The following CNTNAP5 variants were observed in gnomAD, a reference collection of about 807,000 sequenced individuals.
CNTNAP5 encodes contactin associated protein family member 5, also known as contactin-associated protein-like 5.
In CNTNAP5, 72 loss-of-function variants were observed where a neutral mutation model predicts 150.2. The observed-to-expected ratio is 0.48, with a 90% CI of 0.40 to 0.58. The LOEUF (loss-of-function observed/expected upper bound fraction) is 0.58. Among genes scored for constraint, CNTNAP5 ranks in the 20% least tolerant of loss-of-function variants. The pLI, the probability that CNTNAP5 is intolerant of heterozygous loss-of-function variation, is 0.00. For missense variants in CNTNAP5, 1,636 were observed against 1,626.2 expected (o/e 1.01, Z -0.10); for synonymous variants, 672 against 619.8 (o/e 1.08, Z -1.25).
Position 124,902,872 on chromosome 2 carries a change from T to C in CNTNAP5, c.3437-10T>C, listed in dbSNP as rs755027680. ...AAGTAAAGGACTTCTGATTATCTTTTACATTGCAGAGAATCTTGGTTTGGA... is the reference window on the plus strand; with the variant it reads ...AAGTAAAGGACTTCTGATTATCTTTCACATTGCAGAGAATCTTGGTTTGGA... On this transcript the variant is annotated splice_polypyrimidine_tract_variant and intron_variant, in intron 21 of 23. Transcript: ENST00000682447. 1.3e-6 allele frequency: 2 copies of C among 1,592,674 alleles called. No individual in the cohort carries two copies. The highest frequency in any genetic ancestry group is 3.4e-5 in the Admixed American group (2 of 58,304).
At chr2:124,349,050 T>C (rs1351074303) in intron 3 of CNTNAP5, among the ~76,000 whole-genome samples, 1 of 152,204 alleles carries the variant, frequency 6.6e-6, no homozygotes, top group Non-Finnish European at 1.5e-5. Flanking sequence ...CTAGTAGAGA[T>C]TGTGTAGAAG....
Position 124,763,654 on chromosome 2 carries a change from T to G in CNTNAP5, c.2235-18T>G. On this transcript the variant is annotated intron_variant, in intron 14 of 23. Transcript: ENST00000682447. ...TCCACATTTTGTCCTCTTTTTTTCT[T>G]AAATTTATGTTTTGCAGGACAAATG... 6.2e-7 allele frequency: 1 copy of G among 1,606,046 alleles called. No homozygotes were observed. Among genetic ancestry groups the G allele is most frequent in the Non-Finnish European group, 8.5e-7 (1 of 1,175,938 alleles).
At chr2:124,180,908 C>A (rs904600751) in intron 1 of CNTNAP5, among the ~76,000 whole-genome samples, 1 of 151,954 alleles carries the variant, frequency 6.6e-6, no homozygotes, top group Non-Finnish European at 1.5e-5. Flanking sequence ...CCTCTCCCTA[C>A]AGATGTATCA....
At chr2:124,906,382 C>T (rs185633683) in intron 22 of CNTNAP5, among the ~76,000 whole-genome samples, 25 of 152,108 alleles carry the variant, frequency 1.6e-4, no homozygotes, top group Admixed American at 1.6e-3. Flanking sequence ...TGATAAAGCT[C>T]CCATTTTACT....
At chr2:124,713,241 TTCTC>T (rs573009293) in intron 13 of CNTNAP5, among the ~76,000 whole-genome samples, 17,603 of 55,630 alleles carry the variant, frequency 0.32, 4,040 homozygotes, top group Non-Finnish European at 0.35. Context: ...CTTTCTTTCT[TTCTC>T]TTTCTTTCTT....
intron 3 of CNTNAP5, among the ~76,000 whole-genome samples, chr2:124,336,296 T>C (rs1475766341): frequency 6.6e-6 from 1 of 151,802 alleles, no homozygotes; most frequent in Admixed American, 6.6e-5. Flanking sequence ...AAGTGGCCAG[T>C]CTGAAAAGAC....
rs1228137646 is a variant in CNTNAP5, at chr2:124,562,074, C to T, written c.1650-1143C>T. Among the ~76,000 whole-genome samples, 6 of 152,096 alleles carry T rather than the reference C, an allele frequency of 3.9e-5. No homozygotes were observed. The East Asian group carries it at 1.2e-3, about 29-fold the overall frequency. On this transcript the variant is annotated intron_variant, in intron 10 of 23. Coordinates refer to ENST00000682447, the MANE Select transcript of CNTNAP5 (RefSeq NM_001367498.1). ...CTTAATGGTGGCAGTATAAGAGGTG[C>T]AAAGAATAACCCAAAGGCACCATGT...
Position 124,724,279 on chromosome 2 carries a change from G to T in CNTNAP5, c.2078-22950G>T, listed in dbSNP as rs183937264. 1.7e-3 allele frequency among the ~76,000 whole-genome samples: 264 copies of T among 152,098 alleles called. 1 individual carries two copies. Among genetic ancestry groups the T allele is most frequent in the Middle Eastern group, 0.014 (4 of 292 alleles). On this transcript the variant is annotated intron_variant, in intron 13 of 23. Transcript: ENST00000682447. ...TTTTGTTGTTTTGTTTAACCATGTG[G>T]TTGATTATAAAGAATACTGCAAAGG...
chr2:124,764,648 C>T (rs551825685), intron 16 of CNTNAP5, among the ~76,000 whole-genome samples: 2 of 152,282 alleles, frequency 1.3e-5, no homozygotes, highest in East Asian at 3.9e-4. Context: ...ATCTAATAAA[C>T]TTGATGCCAG....
At chr2:124,461,584 G>A (rs1693254952) in intron 6 of CNTNAP5, among the ~76,000 whole-genome samples, 2 of 151,040 alleles carry the variant, frequency 1.3e-5, no homozygotes, top group South Asian at 2.1e-4. Context: ...GCTAGATGAC[G>A]AGTTAGTGGG....
chr2:124,291,662 T>C (rs1383927292), intron 3 of CNTNAP5, among the ~76,000 whole-genome samples: 1 of 152,188 alleles, frequency 6.6e-6, no homozygotes, highest in Non-Finnish European at 1.5e-5. Flanking sequence ...CACACTGCTT[T>C]GTACCTCTTA....
intron 1 of CNTNAP5, among the ~76,000 whole-genome samples, chr2:124,059,896 A>G (rs1245122033): frequency 6.6e-6 from 1 of 152,200 alleles, no homozygotes; most frequent in African/African-American, 2.4e-5. Flanking sequence ...AATTGCCAAC[A>G]TGATATTATG....
rs1694890245 is a variant in CNTNAP5 at position 124,523,262 on chromosome 2, T to C, written c.1328-1041T>C. ...GGCCTGTTAAGTACAAACATTGTCC[T>C]CTTTGCAAGCGAGGAAACTGACACA... On this transcript the variant is annotated intron_variant, in intron 8 of 23. Coordinates refer to ENST00000682447, the MANE Select transcript of CNTNAP5 (RefSeq NM_001367498.1). Among the ~76,000 whole-genome samples, 6 of 152,350 alleles carry C rather than the reference T, an allele frequency of 3.9e-5. No homozygotes were observed. In the South Asian group the frequency reaches 1.2e-3, roughly 32 times the overall value.
At chr2:124,420,076 C>T (rs376850722) in intron 4 of CNTNAP5, among the ~76,000 whole-genome samples, 2 of 148,230 alleles carry the variant, frequency 1.3e-5, no homozygotes, top group African/African-American at 5.0e-5. Flanking sequence ...CTGCAACCTC[C>T]GCCTCCTGAG....
chr2:124,206,160 A>G (rs1558800793), intron 1 of CNTNAP5, among the ~76,000 whole-genome samples: 1 of 152,182 alleles, frequency 6.6e-6, no homozygotes, highest in African/African-American at 2.4e-5. Flanking sequence ...ATTAATGCCA[A>G]TGGGCCTTGG....
At chr2:124,275,278 A>C (rs1687858631) in intron 3 of CNTNAP5, among the ~76,000 whole-genome samples, 1 of 152,146 alleles carries the variant, frequency 6.6e-6, no homozygotes, top group Non-Finnish European at 1.5e-5. Flanking sequence ...AAAAACAGTA[A>C]GAAAAAGAAC....
chr2:124,503,901 C>T lies in CNTNAP5; in HGVS notation c.1063-391C>T, dbSNP rs145051818. ...TGCTTGTCCAGTTATTTCTCCTGTCCGGCTCCCGCTGGAGCTAGTATCTAT... is the reference window on the plus strand; with the variant it reads ...TGCTTGTCCAGTTATTTCTCCTGTCTGGCTCCCGCTGGAGCTAGTATCTAT... On this transcript the variant is annotated intron_variant, in intron 7 of 23. Coordinates refer to ENST00000682447, the MANE Select transcript of CNTNAP5 (RefSeq NM_001367498.1). Among the ~76,000 whole-genome samples, 7 of 152,258 alleles carry T rather than the reference C, an allele frequency of 4.6e-5. No individual in the cohort carries two copies. In the East Asian group the frequency reaches 7.7e-4, roughly 17 times the overall value.
chr2:124,459,226 C>A (rs1384504218), intron 6 of CNTNAP5, among the ~76,000 whole-genome samples: 2 of 152,194 alleles, frequency 1.3e-5, no homozygotes, highest in Non-Finnish European at 1.5e-5. Flanking sequence ...GTACACTCAG[C>A]CACAGGCTTG....
intron 3 of CNTNAP5, among the ~76,000 whole-genome samples, chr2:124,376,518 C>T (rs1282721722): frequency 1.3e-5 from 2 of 151,952 alleles, no homozygotes; most frequent in African/African-American, 2.4e-5. Context: ...TTATGAGTGC[C>T]TCTAAACTAA....
Sources: allele counts gnomAD v4.1 joint callset (sites outside exome capture counted in the v4.1 genomes callset), GRCh38; gene constraint gnomAD v4.1.1; transcripts MANE v1.5; gene names NCBI Gene and HGNC (gene_info 2026-07-23, HGNC 2026-07-21).